RMDN2: variants seen among roughly 807,000 people sequenced by gnomAD.
RMDN2 encodes the protein regulator of microtubule dynamics protein 2.
RMDN2 carries 61 observed loss-of-function variants against 52.8 expected under a neutral mutation model. The observed-to-expected ratio is 1.16, with a 90% CI of 0.94 to 1.43. The LOEUF (loss-of-function observed/expected upper bound fraction) is 1.43, where lower values mean the gene tolerates loss of function less well. Among genes scored for constraint, RMDN2 ranks in the 40% most tolerant of loss-of-function variants. The pLI is 0.00. For synonymous variants in RMDN2, 180 were observed against 153.1 expected, an observed-to-expected ratio of 1.18 and a Z score of -1.30; for missense variants, 592 against 475.3, an observed-to-expected ratio of 1.25 and a Z score of -2.28.
chr2:37,953,409 T>A (rs1177769022), intron 2 of RMDN2, among the ~76,000 whole-genome samples: 2 of 152,034 alleles, frequency 1.3e-5, no homozygotes, highest in Non-Finnish European at 2.9e-5. Flanking sequence ...TTTTGGCTAC[T>A]CCAAGTACCT....
chr2:38,004,406 T>C (rs1468435253), intron 10 of RMDN2, among the ~76,000 whole-genome samples, 190 bp downstream of exon 10: 1 of 152,254 alleles, frequency 6.6e-6, no homozygotes, highest in African/African-American at 2.4e-5. Context: ...GATAGACATA[T>C]ACATTATGAA....
At chr2:37,954,994 T>C (rs1334156932) in intron 2 of RMDN2, among the ~76,000 whole-genome samples, 1 of 152,202 alleles carries the variant, frequency 6.6e-6, no homozygotes, top group African/African-American at 2.4e-5. Context: ...TCTTTCCAGA[T>C]AGCTCATTGT....
At chr2:38,063,212 G>A (rs1304794629) in intron 10 of RMDN2, among the ~76,000 whole-genome samples, 5 of 152,296 alleles carry the variant, frequency 3.3e-5, no homozygotes, top group Middle Eastern at 3.4e-3. Context: ...TACAACGGTT[G>A]AACTAGTTTA....
At chr2:38,014,738 ATTATCT>A (rs1678505873) in intron 10 of RMDN2, among the ~76,000 whole-genome samples, 1 of 152,222 alleles carries the variant, frequency 6.6e-6, no homozygotes, top group South Asian at 2.1e-4. Context: ...AAAGAGAGAG[ATTATCT>A]TTATTCAGTT....
Position 37,997,427 on chromosome 2 carries a change from G to C in RMDN2, c.957G>C (p.Leu319=), listed in dbSNP as rs747634433. 6.2e-7 allele frequency: 1 copy of C among 1,612,490 alleles called. No homozygotes were observed. Among genetic ancestry groups the C allele is most frequent in the Non-Finnish European group, 8.5e-7 (1 of 1,178,642 alleles). The change falls in exon 8 of 11, where the codon CTG becomes CTC. Residue 319 remains leucine (L), a synonymous_variant. Transcript: ENST00000354545. ...TTGTGTATTTGCAGGTCTCAAAACT[G>C]AGCTGGATTGAGAAAAAAATGGCTG... ...KGRYCYTVSK[L]SWIEKKMAAT...
At chr2:37,958,020 C>T (rs1669705968) in intron 2 of RMDN2, among the ~76,000 whole-genome samples, 1 of 152,102 alleles carries the variant, frequency 6.6e-6, no homozygotes, top group Admixed American at 6.5e-5. Context: ...GTTTTGGTAC[C>T]AGTACCATGC....
chr2:37,938,851 C>G (rs1447305281), intron 2 of RMDN2, among the ~76,000 whole-genome samples: 1 of 152,114 alleles, frequency 6.6e-6, no homozygotes, highest in Non-Finnish European at 1.5e-5. Context: ...ACACCAGCTC[C>G]TGGATTCACT....
intron 1 of RMDN2, among the ~76,000 whole-genome samples, chr2:37,925,835 T>A (rs1666234348): frequency 6.6e-6 from 1 of 152,256 alleles, no homozygotes; most frequent in Non-Finnish European, 1.5e-5. Context: ...TGTTTTTGTT[T>A]GTGTGGGGTT....
chr2:38,000,732 A>G (rs1167526528), intron 8 of RMDN2, among the ~76,000 whole-genome samples: 2 of 152,148 alleles, frequency 1.3e-5, no homozygotes, highest in Non-Finnish European at 1.5e-5. Context: ...TAATTTGTTT[A>G]TGTGTTAACT....
intron 1 of RMDN2, among the ~76,000 whole-genome samples, chr2:37,925,864 C>T (rs1221165792): frequency 6.6e-6 from 1 of 152,292 alleles, no homozygotes; most frequent in Non-Finnish European, 1.5e-5. Flanking sequence ...TCTCAGACTC[C>T]GTCTGTGCCT....
At chr2:37,947,826 T>C (rs184773770) in intron 2 of RMDN2, among the ~76,000 whole-genome samples, 2 of 152,318 alleles carry the variant, frequency 1.3e-5, no homozygotes, top group Admixed American at 1.3e-4. Flanking sequence ...AGTCAATTTT[T>C]AGTTTGGGGC....
intron 2 of RMDN2, among the ~76,000 whole-genome samples, chr2:37,934,431 T>C (rs1667117560): frequency 6.6e-6 from 1 of 152,252 alleles, no homozygotes; most frequent in South Asian, 2.1e-4. Context: ...AAGGTGGCCC[T>C]CAGAGGGGTC....
rs142639053 is a variant in RMDN2 at position 38,031,811 on chromosome 2, G to T, written c.1713+27595G>T. Among the ~76,000 whole-genome samples, 234 of 152,222 alleles carry T rather than the reference G, an allele frequency of 1.5e-3. 1 individual carries two copies. The highest frequency in any genetic ancestry group is 5.4e-3 in the African/African-American group (226 of 41,526). ...GCTTCCTGAGCAGACGCCTTCCTCG[G>T]GATGCCTGGAGCCCATGAGGAATGC... On this transcript the variant is annotated intron_variant, in intron 10 of 10. Coordinates refer to the RMDN2 transcript ENST00000234195.
chr2:37,988,202 A>G (rs923153707), intron 5 of RMDN2, among the ~76,000 whole-genome samples: 4 of 152,240 alleles, frequency 2.6e-5, no homozygotes, highest in Admixed American at 2.6e-4. Flanking sequence ...ATAAAAGAAC[A>G]TAGGCCTGAG....
chr2:38,014,770 A>G (rs1284742039), intron 10 of RMDN2, among the ~76,000 whole-genome samples: 1 of 152,222 alleles, frequency 6.6e-6, no homozygotes, highest in Non-Finnish European at 1.5e-5. Flanking sequence ...ACAATTATAG[A>G]GGTGTACTCT....
At chr2:38,043,262 G>A (rs1460304161) in intron 10 of RMDN2, among the ~76,000 whole-genome samples, 1 of 152,198 alleles carries the variant, frequency 6.6e-6, no homozygotes, top group Middle Eastern at 3.4e-3. Flanking sequence ...CTGTGTCTCT[G>A]ACAATTTTTC....
intron 2 of RMDN2, among the ~76,000 whole-genome samples, chr2:37,962,840 G>A (rs1205430706): frequency 1.3e-5 from 2 of 152,168 alleles, no homozygotes; most frequent in African/African-American, 2.4e-5. Context: ...GTAGGCACCC[G>A]AGGGAATCTC....
At chr2:38,011,930 C>G (rs1678055973) in intron 10 of RMDN2, among the ~76,000 whole-genome samples, 3 of 152,204 alleles carry the variant, frequency 2.0e-5, no homozygotes, top group Admixed American at 2.0e-4. Context: ...TCCCGCCAGG[C>G]CACTCTTGAC....
upstream of RMDN2, chr2:37,923,436 A>T (rs934278366): frequency 1.3e-5 from 2 of 152,194 alleles, no homozygotes; most frequent in Non-Finnish European, 2.9e-5. Flanking sequence ...TGTGCTGGGG[A>T]TGCAGCAGTG....
Sources: allele counts gnomAD v4.1 joint callset (sites outside exome capture counted in the v4.1 genomes callset), GRCh38; gene constraint gnomAD v4.1.1; transcripts MANE v1.5; gene names NCBI Gene and HGNC (gene_info 2026-07-23, HGNC 2026-07-21).